Variants in ME1 observed in about 807,000 individuals in gnomAD.
ME1 encodes the protein NADP-dependent malic enzyme.
Under a neutral mutation model 66.4 loss-of-function variants are expected in ME1, and 74 were observed. The observed-to-expected ratio is 1.11, with a 90% CI of 0.92 to 1.35. ME1 has a LOEUF of 1.35. ME1 is among the 40% of genes most tolerant of loss of function. ME1 has a pLI of 0.00. For missense variants in ME1, 750 were observed against 694.1 expected (o/e 1.08, Z -0.90); for synonymous variants, 251 against 235.6 (o/e 1.07, Z -0.60).
At chr6:83,379,753 G>A (rs552115287) in intron 3 of ME1, among the ~76,000 whole-genome samples, 16 of 151,994 alleles carry the variant, frequency 1.1e-4, no homozygotes, top group Middle Eastern at 3.4e-3. Flanking sequence ...GATAATTTCT[G>A]TAATCACGTT....
intron 7 of ME1, among the ~76,000 whole-genome samples, chr6:83,248,466 C>A (rs9449600): frequency 0.084 from 12,853 of 152,166 alleles, 739 homozygotes; most frequent in African/African-American, 0.15. Flanking sequence ...TACATGGTAT[C>A]TTCAAGTTAG....
At chr6:83,299,489 G>A (rs375969874) in intron 6 of ME1, among the ~76,000 whole-genome samples, 1 of 152,168 alleles carries the variant, frequency 6.6e-6, no homozygotes, top group African/African-American at 2.4e-5. Context: ...ATCAGCTTAA[G>A]GAGCTTTTGG....
chr6:83,320,896 G>A (rs1167897404), intron 5 of ME1, among the ~76,000 whole-genome samples: 6 of 152,166 alleles, frequency 3.9e-5, no homozygotes, highest in Non-Finnish European at 5.9e-5. Flanking sequence ...CCGGTCTGCA[G>A]CTCCCAGCAA....
intron 3 of ME1, among the ~76,000 whole-genome samples, chr6:83,381,902 T>G (rs1302681527): frequency 6.6e-6 from 1 of 152,140 alleles, no homozygotes; most frequent in Non-Finnish European, 1.5e-5. Context: ...TTAAGCTTTA[T>G]AATGAAACTC....
intron 6 of ME1, among the ~76,000 whole-genome samples, chr6:83,256,789 A>C (rs1390208058): frequency 6.6e-6 from 1 of 152,128 alleles, no homozygotes; most frequent in Admixed American, 6.5e-5. Context: ...TTGGGACCAA[A>C]CCAAATGCCC....
At chr6:83,224,792 G>T (rs1445890363) in intron 11 of ME1, among the ~76,000 whole-genome samples, 1 of 149,064 alleles carries the variant, frequency 6.7e-6, no homozygotes, top group African/African-American at 2.5e-5. Context: ...AGTAGAATTG[G>T]CAAGGAAGAA....
chr6:83,317,190 C>G (rs1016520796), intron 5 of ME1, among the ~76,000 whole-genome samples: 3 of 152,082 alleles, frequency 2.0e-5, no homozygotes, highest in African/African-American at 4.8e-5. Flanking sequence ...ATGTGCATAG[C>G]AAAATAAGGT....
chr6:83,363,840 T>C (rs940452659), intron 3 of ME1, among the ~76,000 whole-genome samples: 13 of 152,276 alleles, frequency 8.5e-5, no homozygotes, highest in Non-Finnish European at 1.5e-4. Flanking sequence ...TAAGTATTGT[T>C]AACTTTATGT....
In ME1 at chr6:83,212,014, C is replaced by T; in HGVS notation, c.1629G>A (p.Gln543=). 1 of 1,613,166 alleles carries T rather than the reference C, an allele frequency of 6.2e-7. No homozygotes were observed. The highest frequency in any genetic ancestry group is 8.5e-7 in the Non-Finnish European group (1 of 1,179,418). ...PQNKEAFVRS[Q]MYSTDYDQIL... is the part of the protein sequence containing the mutation. ...TCTGGTCATAATCAGTACTATACAT[C>T]TGGGAGCGGACAAATGCTTCTTTGT... The change falls in exon 14 of 14, where the codon CAG becomes CAA. Residue 543 remains glutamine, a synonymous_variant. Transcript: ENST00000369705.
chr6:83,216,693 T>G (rs757919289), intron 12 of ME1, 97 bp from the exon 13 acceptor site: 161 of 748,234 alleles, frequency 2.2e-4, no homozygotes, highest in Non-Finnish European at 3.4e-4. Context: ...TATAATGGTC[T>G]ATACAAAAAC....
At chr6:83,349,229 GAGT>G (rs1385873933) in intron 4 of ME1, among the ~76,000 whole-genome samples, 1 of 151,932 alleles carries the variant, frequency 6.6e-6, no homozygotes, top group Non-Finnish European at 1.5e-5. Context: ...CCATATAAAA[GAGT>G]AGATTTTAAC....
intron 3 of ME1, among the ~76,000 whole-genome samples, chr6:83,375,134 T>C (rs1769262494): frequency 6.6e-6 from 1 of 152,180 alleles, no homozygotes; most frequent in Non-Finnish European, 1.5e-5. Context: ...CTGTGAAGAA[T>C]GTCAATGGTA....
At chr6:83,308,117 G>A (rs991606615) in intron 6 of ME1, among the ~76,000 whole-genome samples, 2 of 152,092 alleles carry the variant, frequency 1.3e-5, no homozygotes, top group Non-Finnish European at 2.9e-5. Context: ...TTCAGACTAA[G>A]ATTATTTCTC....
chr6:83,346,626 T>C (rs1250468016), intron 4 of ME1, among the ~76,000 whole-genome samples: 2 of 152,154 alleles, frequency 1.3e-5, no homozygotes, highest in Non-Finnish European at 2.9e-5. Flanking sequence ...GTGGGTAAAG[T>C]ATAGGGAAAT....
intron 2 of ME1, among the ~76,000 whole-genome samples, chr6:83,398,907 G>C (rs1346643087): frequency 6.6e-6 from 1 of 152,102 alleles, no homozygotes; most frequent in Non-Finnish European, 1.5e-5. Flanking sequence ...TTCAAGACCA[G>C]CCTGGCCAAC....
chr6:83,348,994 A>C (rs1216818437), intron 4 of ME1, among the ~76,000 whole-genome samples: 3 of 148,040 alleles, frequency 2.0e-5, no homozygotes, highest in South Asian at 2.1e-4. Context: ...CAAAAAAAAA[A>C]AAAAAAACAA....
At chr6:83,298,186 A>C (rs938347260) in intron 6 of ME1, among the ~76,000 whole-genome samples, 7 of 152,156 alleles carry the variant, frequency 4.6e-5, no homozygotes, top group African/African-American at 1.7e-4. Context: ...CCAATAGTGT[A>C]AAAGAGTTCC....
At chr6:83,232,562 T>G (rs1214653844) in intron 9 of ME1, among the ~76,000 whole-genome samples, 1 of 152,186 alleles carries the variant, frequency 6.6e-6, no homozygotes, top group Non-Finnish European at 1.5e-5. Context: ...CATGCATTGA[T>G]CATACTCTAT....
intron 1 of ME1, among the ~76,000 whole-genome samples, chr6:83,415,177 A>G (rs1362567076): frequency 6.6e-6 from 1 of 152,218 alleles, no homozygotes; most frequent in African/African-American, 2.4e-5. Flanking sequence ...ATTATAAAAT[A>G]ATCCTCTATT....
Sources: gnomAD v4.1 joint callset for allele counts (sites outside exome capture counted in the v4.1 genomes callset) on GRCh38, gnomAD v4.1.1 for gene constraint, MANE v1.5 for transcripts, NCBI Gene and HGNC (gene_info 2026-07-23, HGNC 2026-07-21) for gene names.